Variants in TENM3 observed in about 807,000 individuals in gnomAD.
TENM3 encodes teneurin transmembrane protein 3.
Under a neutral mutation model 255.1 loss-of-function variants are expected in TENM3, and 63 were observed. The ratio of observed to expected loss-of-function variants is 0.25; its 90% CI spans 0.20 to 0.30. TENM3 has a LOEUF of 0.30. Among genes scored for constraint, TENM3 ranks in the 10% least tolerant of loss-of-function variants. The pLI, the probability that TENM3 is intolerant of heterozygous loss-of-function variation, is 1.00. For synonymous variants in TENM3, 1,306 were observed against 1,322.3 expected (o/e 0.99, Z 0.27); for missense variants, 2,929 against 3,461.1 (o/e 0.85, Z 3.86).
At chr4:181,665,623 A>G in the TENM3 span, among the ~76,000 whole-genome samples, 7 of 146,308 alleles carry the variant, frequency 4.8e-5, no homozygotes, top group Non-Finnish European at 9.3e-5. Context: ...CAATGTGTAT[A>G]TATACACACA....
At chr4:181,732,349 T>C in the TENM3 span, among the ~76,000 whole-genome samples, 1 of 152,184 alleles carries the variant, frequency 6.6e-6, no homozygotes, top group Non-Finnish European at 1.5e-5. Context: ...TCTAGAAACA[T>C]CCCTCTACTA....
At chr4:182,652,286 G>GCA (rs1753376980) in intron 5 of TENM3, among the ~76,000 whole-genome samples, 1 of 152,198 alleles carries the variant, frequency 6.6e-6, no homozygotes, top group Non-Finnish European at 1.5e-5. Context: ...TATGAGGGAT[G>GCA]CACAGGTATT....
At chr4:182,341,598 T>A (rs1456340410) in intron 2 of TENM3, among the ~76,000 whole-genome samples, 1 of 152,228 alleles carries the variant, frequency 6.6e-6, no homozygotes, top group Non-Finnish European at 1.5e-5. Flanking sequence ...ATTCTCTTTC[T>A]GGCCAACATT....
At chr4:182,729,282 T>G in intron 14 of TENM3, 101 bp downstream of exon 14, 1 of 1,004,408 alleles carries the variant, frequency 1.0e-6, no homozygotes, top group East Asian at 2.5e-5. Context: ...GAAAGTGCTG[T>G]TTTTTAAATA....
At chr4:182,252,877 G>A (rs941040739) in intron 1 of TENM3, among the ~76,000 whole-genome samples, 13 of 152,000 alleles carry the variant, frequency 8.6e-5, no homozygotes, top group African/African-American at 1.9e-4. Flanking sequence ...CTCTTAGTTC[G>A]GCAGACAAAG....
the TENM3 span, among the ~76,000 whole-genome samples, chr4:181,529,675 A>G: frequency 6.6e-6 from 1 of 152,216 alleles, no homozygotes; most frequent in Non-Finnish European, 1.5e-5. Context: ...ACCAGATAAC[A>G]TGAGGCCACA....
At chr4:181,461,459 A>G in the TENM3 span, among the ~76,000 whole-genome samples, 114 of 152,158 alleles carry the variant, frequency 7.5e-4, no homozygotes, top group Non-Finnish European at 1.4e-3. Context: ...AATTTCTTCA[A>G]ATTTTTTCTA....
chr4:182,352,540 G>A (rs180855756), intron 3 of TENM3, among the ~76,000 whole-genome samples: 70 of 152,084 alleles, frequency 4.6e-4, no homozygotes, highest in African/African-American at 1.4e-3. Flanking sequence ...ACCTGTTGTC[G>A]GACCCCACTA....
At chr4:181,990,088 G>A in the TENM3 span, among the ~76,000 whole-genome samples, 2 of 152,034 alleles carry the variant, frequency 1.3e-5, no homozygotes. Context: ...ACAATGTATA[G>A]TACTAACCAG....
At chr4:182,561,662 C>T (rs1743197207) in intron 3 of TENM3, among the ~76,000 whole-genome samples, 1 of 151,888 alleles carries the variant, frequency 6.6e-6, no homozygotes. Context: ...TATGGATAAA[C>T]AATTTCAGTT....
chr4:181,517,151 G>GAAAA, the TENM3 span, among the ~76,000 whole-genome samples: 1 of 146,842 alleles, frequency 6.8e-6, no homozygotes, highest in Non-Finnish European at 1.5e-5. Context: ...GGAAATAACT[G>GAAAA]AAAAAAAAAA....
intron 19 of TENM3, among the ~76,000 whole-genome samples, chr4:182,749,930 A>G (rs1172116392): frequency 1.3e-5 from 2 of 152,072 alleles, no homozygotes; most frequent in Non-Finnish European, 2.9e-5. Context: ...TCTGTCACCA[A>G]TTATATATAC....
chr4:181,504,252 C>T, the TENM3 span, among the ~76,000 whole-genome samples: 5 of 152,200 alleles, frequency 3.3e-5, no homozygotes, highest in Non-Finnish European at 1.5e-5. Flanking sequence ...CCTGCCGCTG[C>T]TCCCGACTGT....
intron 3 of TENM3, among the ~76,000 whole-genome samples, chr4:182,535,804 A>G (rs1293379849): frequency 1.3e-5 from 2 of 152,078 alleles, no homozygotes; most frequent in Admixed American, 6.5e-5. Context: ...TATGATAAAC[A>G]TTATTACATT....
the TENM3 span, among the ~76,000 whole-genome samples, chr4:182,070,593 G>T: frequency 6.6e-6 from 1 of 152,114 alleles, no homozygotes; most frequent in Non-Finnish European, 1.5e-5. Context: ...CTGTAGCCTG[G>T]GTGACAGAGT....
chr4:181,654,973 TAGAC>T, the TENM3 span, among the ~76,000 whole-genome samples: 2 of 152,084 alleles, frequency 1.3e-5, no homozygotes, highest in African/African-American at 4.8e-5. Flanking sequence ...GGTTTAGAGA[TAGAC>T]AGACAACTAG....
At chr4:181,573,960 A>C in the TENM3 span, among the ~76,000 whole-genome samples, 1 of 152,176 alleles carries the variant, frequency 6.6e-6, no homozygotes, top group South Asian at 2.1e-4. Flanking sequence ...AAAATCCTTA[A>C]GATATCATAC....
At chr4:182,145,599 T>C (rs1668425769) in intron 1 of TENM3, among the ~76,000 whole-genome samples, 1 of 152,200 alleles carries the variant, frequency 6.6e-6, no homozygotes, top group African/African-American at 2.4e-5. Flanking sequence ...TTAATTTTTA[T>C]TGTAGAGAGA....
chr4:181,715,733 C>G, the TENM3 span, among the ~76,000 whole-genome samples: 1 of 152,190 alleles, frequency 6.6e-6, no homozygotes, highest in Non-Finnish European at 1.5e-5. Flanking sequence ...ATTGGGACAA[C>G]AAAAATGTAC....
Sources: gnomAD v4.1 joint callset for allele counts (sites outside exome capture counted in the v4.1 genomes callset) on GRCh38, gnomAD v4.1.1 for gene constraint, MANE v1.5 for transcripts, NCBI Gene and HGNC (gene_info 2026-07-23, HGNC 2026-07-21) for gene names.